Variants in ARHGAP6 observed in about 807,000 individuals in gnomAD.
ARHGAP6 encodes the protein Rho GTPase activating protein 6.
A neutral mutation model predicts 55.7 loss-of-function variants in ARHGAP6; 16 were observed. The ratio of observed to expected loss-of-function variants is 0.29; its 90% confidence interval spans 0.19 to 0.44. The LOEUF (loss-of-function observed/expected upper bound fraction) is 0.44, where lower values mean the gene tolerates loss of function less well. Among genes scored for constraint, ARHGAP6 ranks in the 20% least tolerant of loss-of-function variants. ARHGAP6 has a pLI of 1.00. For missense variants in ARHGAP6, 698 were observed against 808.9 expected (o/e 0.86, Z 1.66); for synonymous variants, 382 against 360.9 (o/e 1.06, Z -0.66).
intron 1 of ARHGAP6, among the ~76,000 whole-genome samples, chrX:11,565,054 T>C (rs752729809): frequency 8.9e-6 from 1 of 112,157 alleles, no homozygotes; most frequent in South Asian, 3.7e-4. Context: ...TACCAGAAAG[T>C]AGGGAAATCT....
chrX:11,392,269 C>T (rs1306541852), intron 1 of ARHGAP6, among the ~76,000 whole-genome samples: 1 of 111,817 alleles, frequency 8.9e-6, no homozygotes, highest in African/African-American at 3.3e-5. Context: ...CTGGAAGGCT[C>T]TTTCAGCAGA....
intron 1 of ARHGAP6, among the ~76,000 whole-genome samples, chrX:11,374,258 G>A (rs908323348): frequency 3.6e-5 from 4 of 111,358 alleles, no homozygotes; most frequent in African/African-American, 1.3e-4. Flanking sequence ...AGGTACTTAG[G>A]AGCCACAGTT....
intron 1 of ARHGAP6, among the ~76,000 whole-genome samples, chrX:11,556,413 G>A (rs1435041600): frequency 8.9e-6 from 1 of 112,146 alleles, no homozygotes; most frequent in Non-Finnish European, 1.9e-5. Flanking sequence ...AGACCCAAGA[G>A]GCCAGGCTAT....
chrX:11,440,431 G>C, intron 1 of ARHGAP6, among the ~76,000 whole-genome samples: 1 of 112,033 alleles, frequency 8.9e-6, no homozygotes, highest in Admixed American at 9.5e-5. Flanking sequence ...TGAAATTCTA[G>C]GTCACACATT....
intron 1 of ARHGAP6, among the ~76,000 whole-genome samples, chrX:11,442,760 G>A (rs1364735149): frequency 9.0e-6 from 1 of 111,695 alleles, no homozygotes; most frequent in Non-Finnish European, 1.9e-5. Flanking sequence ...CACACTGTCA[G>A]GGTAGACGTA....
intron 8 of ARHGAP6, among the ~76,000 whole-genome samples, chrX:11,170,521 G>C (rs748442486): frequency 9.0e-6 from 1 of 111,702 alleles, no homozygotes; most frequent in African/African-American, 3.3e-5. Context: ...ATTCTGAACA[G>C]AGCAGAATGG....
chrX:11,430,611 T>A (rs1311616027), intron 1 of ARHGAP6, among the ~76,000 whole-genome samples: 1 of 112,695 alleles, frequency 8.9e-6, no homozygotes, highest in Non-Finnish European at 1.9e-5. Flanking sequence ...ATTATTTCAT[T>A]TAAATATATT....
chrX:11,210,534 T>G lies in ARHGAP6; in HGVS notation c.749-13538A>C, dbSNP rs766868297. Among the ~76,000 whole-genome samples, 23 of 112,563 alleles carry G rather than the reference T, an allele frequency of 2.0e-4. No homozygotes were observed. In the South Asian group the frequency reaches 8.5e-3, roughly 41 times the overall value. On this transcript the variant is annotated intron_variant, in intron 2 of 12. Coordinates refer to ENST00000337414, the MANE Select transcript of ARHGAP6 (RefSeq NM_013427.3). ...TTCAGCCTCATTGTAGCTGAAAGGA[T>G]TTGAATGGTATTTCTTGACATTTTG...
chrX:11,491,172 A>G (rs2050562960), intron 1 of ARHGAP6, among the ~76,000 whole-genome samples: 1 of 112,437 alleles, frequency 8.9e-6, no homozygotes, highest in Non-Finnish European at 1.9e-5. Context: ...TAACAGTGCA[A>G]TAATAAACAG....
chrX:11,600,631 T>G (rs899276464), intron 1 of ARHGAP6, among the ~76,000 whole-genome samples: 7 of 111,950 alleles, frequency 6.3e-5, no homozygotes, highest in Admixed American at 1.9e-4. Context: ...CAATGACAAA[T>G]GAAGTGTTGG....
intron 1 of ARHGAP6, among the ~76,000 whole-genome samples, chrX:11,633,783 G>C (rs193185432): frequency 1.6e-3 from 176 of 111,693 alleles, no homozygotes; most frequent in African/African-American, 5.3e-3. Context: ...GGAATTTGGT[G>C]AATGGATGTG....
In ARHGAP6 at chrX:11,216,278, C is replaced by G. The variant is rs1330314466; in HGVS notation, c.749-19282G>C. 2.7e-5 allele frequency among the ~76,000 whole-genome samples: 3 copies of G among 110,824 alleles called. No homozygotes were observed. In the East Asian group the frequency reaches 8.4e-4, roughly 31 times the overall value. On this transcript the variant is annotated intron_variant, in intron 2 of 12. Transcript: ENST00000337414. ...CAATTGATAAGCAGCGGAAAAGAGA[C>G]CATTTTGCTGAAATCGATGCGGAAG...
At chrX:11,654,698 C>T (rs2052619359) in intron 1 of ARHGAP6, among the ~76,000 whole-genome samples, 1 of 111,563 alleles carries the variant, frequency 9.0e-6, no homozygotes, top group African/African-American at 3.3e-5. Flanking sequence ...AGTAACCAAT[C>T]TCAGAAAATC....
intron 8 of ARHGAP6, among the ~76,000 whole-genome samples, chrX:11,174,123 T>TAATA (rs1348730637): frequency 8.9e-6 from 1 of 112,067 alleles, no homozygotes; most frequent in African/African-American, 3.2e-5. Flanking sequence ...AACTAAAAAA[T>TAATA]AATAAATAAC....
intron 1 of ARHGAP6, among the ~76,000 whole-genome samples, chrX:11,577,485 C>G (rs1299022431): frequency 9.0e-6 from 1 of 111,714 alleles, no homozygotes; most frequent in East Asian, 2.8e-4. Context: ...CTCTCTGTCA[C>G]TTCTGAAACT....
intron 5 of ARHGAP6, among the ~76,000 whole-genome samples, chrX:11,184,267 A>G (rs1206200760): frequency 8.9e-6 from 1 of 112,443 alleles, no homozygotes; most frequent in Non-Finnish European, 1.9e-5. Flanking sequence ...ATTTTTTTAA[A>G]TATAGAATTG....
chrX:11,180,805 G>A (rs1017654989), intron 6 of ARHGAP6, among the ~76,000 whole-genome samples: 6 of 112,055 alleles, frequency 5.4e-5, no homozygotes, highest in African/African-American at 1.3e-4. Context: ...CGCCATCAGC[G>A]TGTGTCAGGC....
At chrX:11,442,482 T>G (rs188574502) in intron 1 of ARHGAP6, among the ~76,000 whole-genome samples, 1 of 112,003 alleles carries the variant, frequency 8.9e-6, no homozygotes. Context: ...CAGACAACAC[T>G]TTGCATACAA....
At chrX:11,652,742 A>G (rs2052598646) in intron 1 of ARHGAP6, among the ~76,000 whole-genome samples, 1 of 111,723 alleles carries the variant, frequency 9.0e-6, no homozygotes, top group Non-Finnish European at 1.9e-5. Context: ...TTTTATGTCT[A>G]TTATAATCTA....
Sources: gnomAD v4.1 joint callset for allele counts (sites outside exome capture counted in the v4.1 genomes callset) on GRCh38, gnomAD v4.1.1 for gene constraint, MANE v1.5 for transcripts, NCBI Gene and HGNC (gene_info 2026-07-23, HGNC 2026-07-21) for gene names.